ERI3: variants seen among roughly 807,000 people sequenced by gnomAD.
ERI3 encodes the protein ERI1 exoribonuclease 3.
In ERI3, 18 loss-of-function variants were observed where a neutral mutation model predicts 44.4. The ratio of observed to expected loss-of-function variants is 0.41; its 90% CI spans 0.28 to 0.60. The LOEUF (loss-of-function observed/expected upper bound fraction) is 0.60. Ranked by LOEUF, ERI3 falls within the 20% of genes least tolerant of loss-of-function variation. The pLI is 0.36. For missense variants in ERI3, 294 were observed against 435.5 expected, an observed-to-expected ratio of 0.68 and a Z score of 2.89; for synonymous variants, 183 against 164.8, an observed-to-expected ratio of 1.11 and a Z score of -0.84.
intron 4 of ERI3, among the ~76,000 whole-genome samples, chr1:44,317,980 T>C (rs765464908): frequency 1.3e-5 from 2 of 152,210 alleles, no homozygotes; most frequent in Non-Finnish European, 2.9e-5. Context: ...TTTTCACTTT[T>C]AGAACAGCCT....
intron 8 of ERI3, chr1:44,243,765 C>G (rs1644493553): frequency 6.6e-6 from 1 of 152,242 alleles, no homozygotes; most frequent in Admixed American, 6.5e-5. Context: ...AAGGTCTGTT[C>G]AGGCCTGCGT....
chr1:44,226,540 G>A (rs571912543), intron 8 of ERI3, among the ~76,000 whole-genome samples: 2 of 152,206 alleles, frequency 1.3e-5, no homozygotes, highest in Admixed American at 1.3e-4. Context: ...ATGATGTGGG[G>A]GAAGTGGATG....
chr1:44,323,455 TCAC>T (rs775552864), intron 3 of ERI3, among the ~76,000 whole-genome samples: 9 of 152,348 alleles, frequency 5.9e-5, no homozygotes, highest in Admixed American at 1.3e-4. Flanking sequence ...TACATCATCA[TCAC>T]CATCACCATC....
chr1:44,353,018 A>G, intron 1 of ERI3, 93 bp from the exon 2 acceptor site: 1 of 1,581,538 alleles, frequency 6.3e-7, no homozygotes. Flanking sequence ...TCTAAACTCA[A>G]ACTTCGGGAT....
chr1:44,276,399 G>A (rs1645182145), intron 7 of ERI3, among the ~76,000 whole-genome samples: 1 of 152,232 alleles, frequency 6.6e-6, no homozygotes, highest in South Asian at 2.1e-4. Flanking sequence ...ATGTGTCCAT[G>A]CATATGCAAT....
chr1:44,308,498 G>C (rs1435743710), intron 5 of ERI3, 97 bp from the exon 6 acceptor site: 1 of 950,728 alleles, frequency 1.1e-6, no homozygotes, highest in African/African-American at 1.6e-5. Flanking sequence ...CTTGTAATCA[G>C]AACAGGAGAA....
At chr1:44,277,798 T>C (rs1645208121) in intron 7 of ERI3, among the ~76,000 whole-genome samples, 1 of 152,238 alleles carries the variant, frequency 6.6e-6, no homozygotes, top group Non-Finnish European at 1.5e-5. Flanking sequence ...TGTGAAACCA[T>C]TGAGCAAGTT....
chr1:44,250,269 C>T (rs1242603482), intron 7 of ERI3, among the ~76,000 whole-genome samples: 1 of 152,248 alleles, frequency 6.6e-6, no homozygotes, highest in African/African-American at 2.4e-5. Context: ...CGAGGCCCCT[C>T]CGCTCTGCTT....
intron 8 of ERI3, among the ~76,000 whole-genome samples, chr1:44,236,547 A>G (rs916265177): frequency 1.3e-5 from 2 of 152,080 alleles, no homozygotes; most frequent in African/African-American, 4.8e-5. Context: ...AGGAAGAGTT[A>G]ATTAGGTTGT....
At chr1:44,334,720 C>T (rs535489852) in intron 3 of ERI3, among the ~76,000 whole-genome samples, 1 of 152,292 alleles carries the variant, frequency 6.6e-6, no homozygotes, top group Non-Finnish European at 1.5e-5. Context: ...CCAGTTTCAC[C>T]TAGCTGAATA....
Position 44,308,320 on chromosome 1 carries a change from A to G in ERI3, c.748T>C (p.Leu250=). The G allele has an allele frequency of 6.2e-7, 1 of 1,613,292 alleles. No individual in the cohort carries two copies. The highest frequency in any genetic ancestry group is 1.1e-5 in the South Asian group (1 of 91,070). ...CCTTCTCATACTCACATGACTTTTA[A>G]GTCCCAGTCTCCACAGGTGACAAAA... is the stretch of plus-strand genomic sequence containing the variant. The part of the protein sequence containing the change: ...SIFVTCGDWD[L]KVMLPGQCQY... The change falls in exon 6 of 9, where the codon TTA becomes CTA. Residue 250 remains leucine, a synonymous_variant. Transcript: ENST00000372257.
At chr1:44,232,023 T>C (rs985285990) in intron 8 of ERI3, among the ~76,000 whole-genome samples, 7 of 152,318 alleles carry the variant, frequency 4.6e-5, no homozygotes, top group African/African-American at 1.4e-4. Flanking sequence ...AATGGAAACA[T>C]ATCTGGGTCC....
intron 6 of ERI3, among the ~76,000 whole-genome samples, chr1:44,298,959 T>C (rs1304738294): frequency 1.3e-5 from 2 of 151,970 alleles, no homozygotes; most frequent in Non-Finnish European, 2.9e-5. Flanking sequence ...AAGCCAACAA[T>C]AGGTAAAAAC....
At chr1:44,353,703 A>G (rs226065) in intron 1 of ERI3, 695,469 of 985,156 alleles carry the variant, frequency 0.71, 248,122 homozygotes, top group East Asian at 0.8. Context: ...GTTGGAAGAA[A>G]AGCTCTTAGC....
intron 3 of ERI3, among the ~76,000 whole-genome samples, chr1:44,335,685 A>G (rs1331677737): frequency 6.9e-6 from 1 of 145,564 alleles, no homozygotes; most frequent in Non-Finnish European, 1.5e-5. Flanking sequence ...CTTGAGGCAG[A>G]GGTTGCGGTG....
At chr1:44,227,775 G>A (rs1644080934) in intron 8 of ERI3, among the ~76,000 whole-genome samples, 1 of 152,022 alleles carries the variant, frequency 6.6e-6, no homozygotes, top group Non-Finnish European at 1.5e-5. Flanking sequence ...CTGCTTCTGG[G>A]TTTGAATCCA....
At chr1:44,237,066 G>A (rs141387885) in intron 8 of ERI3, among the ~76,000 whole-genome samples, 5 of 152,292 alleles carry the variant, frequency 3.3e-5, no homozygotes, top group Admixed American at 3.3e-4. Context: ...ACTCAGGGGA[G>A]CGCCTGGCCC....
At chr1:44,343,276 T>C (rs1007483278) in intron 2 of ERI3, among the ~76,000 whole-genome samples, 2 of 152,128 alleles carry the variant, frequency 1.3e-5, no homozygotes, top group Non-Finnish European at 2.9e-5. Context: ...AATTAAACTT[T>C]GATGTGAGAT....
At chr1:44,251,148 C>G (rs1441119749) in intron 7 of ERI3, among the ~76,000 whole-genome samples, 3 of 152,234 alleles carry the variant, frequency 2.0e-5, no homozygotes, top group Non-Finnish European at 4.4e-5. Flanking sequence ...GTGCTCCTGC[C>G]AACATATGGT....
Sources: allele counts gnomAD v4.1 joint callset (sites outside exome capture counted in the v4.1 genomes callset), GRCh38; gene constraint gnomAD v4.1.1; transcripts MANE v1.5; gene names NCBI Gene and HGNC (gene_info 2026-07-23, HGNC 2026-07-21).